MYO3A: variants seen among roughly 807,000 people sequenced by gnomAD.
The protein encoded by MYO3A is myosin IIIA.
In MYO3A, 180 loss-of-function variants were observed where a neutral mutation model predicts 192.7. That is an observed-to-expected ratio of 0.93 (90% CI 0.83 to 1.06). The LOEUF (loss-of-function observed/expected upper bound fraction) is 1.06. Ranked by LOEUF, MYO3A falls within the 50% of genes least tolerant of loss-of-function variation. MYO3A has a pLI of 0.00. For missense variants in MYO3A, 1,896 were observed against 1,905.0 expected (o/e 1.00, Z 0.09); for synonymous variants, 628 against 645.3 (o/e 0.97, Z 0.41).
chr10:25,941,934 T>G (rs1177682047), intron 2 of MYO3A, among the ~76,000 whole-genome samples: 2 of 152,160 alleles, frequency 1.3e-5, no homozygotes, highest in Non-Finnish European at 2.9e-5. Context: ...TTGTAGTATG[T>G]GTCAAGTTTC....
intron 6 of MYO3A, among the ~76,000 whole-genome samples, chr10:26,006,716 C>A (rs1454511768): frequency 1.3e-5 from 2 of 151,748 alleles, no homozygotes; most frequent in African/African-American, 4.8e-5. Flanking sequence ...CAATAACAGG[C>A]TCTGAAATTG....
At chr10:26,028,838 T>C (rs1461246297) in intron 10 of MYO3A, among the ~76,000 whole-genome samples, 1 of 152,166 alleles carries the variant, frequency 6.6e-6, no homozygotes, top group African/African-American at 2.4e-5. Context: ...AATAGGTGGA[T>C]GTTGTGTCCA....
chr10:25,953,859 TTCA>T (rs1165942866), intron 3 of MYO3A, among the ~76,000 whole-genome samples: 1 of 152,124 alleles, frequency 6.6e-6, no homozygotes, highest in Non-Finnish European at 1.5e-5. Flanking sequence ...TTATTTACTC[TTCA>T]TCATGTCACA....
chr10:26,090,025 A>G (rs531909418), intron 15 of MYO3A, among the ~76,000 whole-genome samples: 27 of 152,356 alleles, frequency 1.8e-4, no homozygotes, highest in African/African-American at 5.8e-4. Flanking sequence ...CTCAGTGGAC[A>G]TGTGTGTCAG....
rs760900228 is a variant in MYO3A, at chr10:26,125,441, T to C, written c.1947T>C (p.Ala649=). ...LCIRADELQE[A]LTSHCVVTRG... ...TTCGGGCAGATGAGCTACAAGAAGC[T>C]CTCACCTCCCACTGTGTGGTCACTA... Residue 649 remains alanine, a synonymous_variant, in exon 19 of 35, where the codon GCT becomes GCC. Transcript: ENST00000642920. 6.2e-7 allele frequency: 1 copy of C among 1,613,936 alleles called. No individual in the cohort carries two copies.
intron 14 of MYO3A, among the ~76,000 whole-genome samples, chr10:26,079,944 C>G (rs377496415): frequency 1.9e-4 from 29 of 152,270 alleles, no homozygotes; most frequent in African/African-American, 6.3e-4. Flanking sequence ...TCTCACAGCT[C>G]TTAAGATTCT....
intron 4 of MYO3A, among the ~76,000 whole-genome samples, chr10:25,978,733 T>G (rs1338827846): frequency 6.6e-6 from 1 of 152,238 alleles, no homozygotes; most frequent in Non-Finnish European, 1.5e-5. Flanking sequence ...TTAGTTGAAT[T>G]GCTCAGATAA....
intron 27 of MYO3A, 65 bp from the exon 28 acceptor site, chr10:26,168,647 G>A (rs1841884023): frequency 1.3e-6 from 2 of 1,512,358 alleles, no homozygotes; most frequent in Non-Finnish European, 9.1e-7. Flanking sequence ...GTTCTTCAAA[G>A]CACAGCACAT....
chr10:26,130,273 T>G (rs1040754229), intron 20 of MYO3A, among the ~76,000 whole-genome samples: 1 of 151,900 alleles, frequency 6.6e-6, no homozygotes, highest in Non-Finnish European at 1.5e-5. Context: ...CCTGGCTAAT[T>G]TTTGCATTTT....
intron 4 of MYO3A, among the ~76,000 whole-genome samples, chr10:25,962,571 T>C (rs1028109634): frequency 6.6e-6 from 1 of 152,240 alleles, no homozygotes; most frequent in Admixed American, 6.5e-5. Flanking sequence ...TGCCTCATTT[T>C]GAAATACCTT....
chr10:26,173,556 G>A, intron 29 of MYO3A, 107 bp from the exon 30 acceptor site: 3 of 1,010,494 alleles, frequency 3.0e-6, no homozygotes, highest in Non-Finnish European at 4.4e-6. Context: ...AGCTTTCTTT[G>A]TTCCTTTTGC....
At chr10:26,096,231 C>A in intron 15 of MYO3A, 150 bp from the exon 16 acceptor site, 1 of 632,628 alleles carries the variant, frequency 1.6e-6, no homozygotes, top group South Asian at 2.0e-5. Flanking sequence ...AAAATAATGA[C>A]AACAATAATG....
At chr10:25,983,068 A>G (rs529206266) in intron 4 of MYO3A, among the ~76,000 whole-genome samples, 1 of 152,004 alleles carries the variant, frequency 6.6e-6, no homozygotes, top group Non-Finnish European at 1.5e-5. Flanking sequence ...TGAAAGGAAA[A>G]TTCTTCAGTG....
chr10:25,935,347 A>G (rs1835989559), intron 1 of MYO3A, among the ~76,000 whole-genome samples: 1 of 152,206 alleles, frequency 6.6e-6, no homozygotes, highest in African/African-American at 2.4e-5. Context: ...TATTATTGTT[A>G]GAATGGAAAT....
chr10:26,196,644 C>T (rs1334065203), intron 32 of MYO3A, among the ~76,000 whole-genome samples: 1 of 152,104 alleles, frequency 6.6e-6, no homozygotes, highest in Non-Finnish European at 1.5e-5. Flanking sequence ...TAATGAGGCC[C>T]CAGTCCCTTT....
At chr10:26,182,656 A>T (rs188406221) in intron 31 of MYO3A, among the ~76,000 whole-genome samples, 51 of 152,282 alleles carry the variant, frequency 3.3e-4, no homozygotes, top group Non-Finnish European at 2.1e-4. Flanking sequence ...ATGTATATAA[A>T]TTTTTTAAAT....
At chr10:25,989,812 G>A (rs189926822) in intron 4 of MYO3A, among the ~76,000 whole-genome samples, 75 of 152,224 alleles carry the variant, frequency 4.9e-4, no homozygotes, top group African/African-American at 1.8e-3. Context: ...AGAGAGTCAG[G>A]GAAATGATGG....
chr10:26,163,257 G>A (rs1470070103), intron 26 of MYO3A, among the ~76,000 whole-genome samples: 3 of 152,192 alleles, frequency 2.0e-5, no homozygotes, highest in Non-Finnish European at 4.4e-5. Flanking sequence ...CATATTTATG[G>A]TATCTGCCTA....
chr10:26,185,588 C>T (rs1353168580), intron 31 of MYO3A, among the ~76,000 whole-genome samples: 1 of 152,026 alleles, frequency 6.6e-6, no homozygotes, highest in Non-Finnish European at 1.5e-5. Context: ...AATACACCCG[C>T]CTCGGCCTCC....
Sources: gnomAD v4.1 joint callset for allele counts (sites outside exome capture counted in the v4.1 genomes callset) on GRCh38, gnomAD v4.1.1 for gene constraint, MANE v1.5 for transcripts, NCBI Gene and HGNC (gene_info 2026-07-23, HGNC 2026-07-21) for gene names.